Variants in MAP3K19 observed in about 807,000 individuals in gnomAD.
MAP3K19 encodes the protein mitogen-activated protein kinase kinase kinase 19.
A neutral mutation model predicts 114.4 loss-of-function variants in MAP3K19; 91 were observed. The ratio of observed to expected loss-of-function variants is 0.80; its 90% CI spans 0.67 to 0.95. The LOEUF (loss-of-function observed/expected upper bound fraction) is 0.95. MAP3K19 is among the 40% of genes least tolerant of loss of function. The pLI is 0.00. For missense variants in MAP3K19, 1,471 were observed against 1,573.2 expected, an observed-to-expected ratio of 0.94 and a Z score of 1.10; for synonymous variants, 518 against 530.5, an observed-to-expected ratio of 0.98 and a Z score of 0.32.
chr2:135,009,691 CATA>C (rs558578862), intron 5 of MAP3K19, among the ~76,000 whole-genome samples: 6 of 151,946 alleles, frequency 3.9e-5, no homozygotes, highest in Non-Finnish European at 8.8e-5. Flanking sequence ...CTACAAAATC[CATA>C]ATGATGACTA....
intron 2 of MAP3K19, among the ~76,000 whole-genome samples, chr2:135,033,623 G>A (rs1427772330): frequency 2.5e-5 from 2 of 80,576 alleles, no homozygotes; most frequent in African/African-American, 1.6e-4. Flanking sequence ...CGGGCAGAGG[G>A]GCTCCCCACC....
chr2:134,999,766 T>C lies in MAP3K19; in HGVS notation c.314+171A>G, dbSNP rs1165122539. ...TTGAATCATCACAACAGAGACCATA[T>C]GGCCCACACAGCCAAAGTGTTTATG... is the stretch of plus-strand genomic sequence containing the variant. On this transcript the variant is annotated intron_variant, in intron 7 of 12. Coordinates refer to ENST00000392915, the MANE Select transcript of MAP3K19 (RefSeq NM_025052.5). This position sits in a 1 kb window ranked among gnomAD's most constrained non-coding sequence, Gnocchi z 4.1. Among the ~76,000 whole-genome samples the C allele has an allele frequency of 6.6e-6, 1 of 152,252 alleles. No individual in the cohort carries two copies. The highest frequency in any genetic ancestry group is 2.4e-5 in the African/African-American group (1 of 41,474).
At chr2:135,046,317 G>A (rs529593867) in intron 1 of MAP3K19, among the ~76,000 whole-genome samples, 16 of 151,522 alleles carry the variant, frequency 1.1e-4, no homozygotes, top group Non-Finnish European at 2.1e-4. Context: ...TCCCTCTATC[G>A]CCCAGACTGG....
At chr2:135,045,277 C>A (rs1278679074) in intron 1 of MAP3K19, among the ~76,000 whole-genome samples, 1 of 152,174 alleles carries the variant, frequency 6.6e-6, no homozygotes, top group African/African-American at 2.4e-5. Flanking sequence ...TTATCTTAAT[C>A]ATTAGCATTT....
At chr2:135,023,318 C>T in intron 4 of MAP3K19, 1 of 417,694 alleles carries the variant, frequency 2.4e-6, no homozygotes, top group Admixed American at 2.7e-5. Flanking sequence ...TCCTGATGTC[C>T]CCACCGCTCC....
rs1297196141 is a variant in MAP3K19 at position 135,035,397 on chromosome 2, AAAAC to A, written c.-283-4901_-283-4898del. ...GGGCAACAGAGTGAGATCCTGTCTC[AAAAC>A]AAACAAACAGACAAACAAAAAACAA... On this transcript the variant is annotated intron_variant, in intron 2 of 12. Transcript: ENST00000392915. Among the ~76,000 whole-genome samples the A allele has an allele frequency of 4.6e-5, 7 of 152,334 alleles. No individual in the cohort carries two copies. The South Asian group carries it at 8.3e-4, about 18-fold the overall frequency.
At chr2:135,026,867 A>G (rs1040813138) in intron 3 of MAP3K19, among the ~76,000 whole-genome samples, 3 of 152,358 alleles carry the variant, frequency 2.0e-5, no homozygotes, top group African/African-American at 7.2e-5. Flanking sequence ...AATGAAACAA[A>G]GAGCCAGATA....
chr2:135,042,338 T>C (rs1005665779), intron 1 of MAP3K19, among the ~76,000 whole-genome samples: 1 of 151,710 alleles, frequency 6.6e-6, no homozygotes, highest in African/African-American at 2.4e-5. Flanking sequence ...CCGTCGCTAC[T>C]AAAAGTACAA....
At chr2:134,991,847 A>G (rs1472674092) in intron 8 of MAP3K19, among the ~76,000 whole-genome samples, 3 of 152,184 alleles carry the variant, frequency 2.0e-5, no homozygotes, top group African/African-American at 4.8e-5. Flanking sequence ...CAGACCATTT[A>G]TCACTCACAG....
chr2:134,971,589 T>C (rs1683885238), intron 12 of MAP3K19, among the ~76,000 whole-genome samples: 1 of 152,186 alleles, frequency 6.6e-6, no homozygotes, highest in Non-Finnish European at 1.5e-5. Context: ...TTATTACTGA[T>C]TCAATCTTAT....
chr2:135,021,144 A>G (rs1687945169), intron 5 of MAP3K19, among the ~76,000 whole-genome samples: 1 of 151,938 alleles, frequency 6.6e-6, no homozygotes, highest in Admixed American at 6.6e-5. Flanking sequence ...GTGTCCCACC[A>G]AAATTTATAT....
intron 10 of MAP3K19, among the ~76,000 whole-genome samples, chr2:134,984,734 C>T (rs1573943123): frequency 1.3e-5 from 2 of 152,124 alleles, no homozygotes; most frequent in African/African-American, 4.8e-5. Context: ...AGGTGGATCG[C>T]GAGGTCAGGA....
At chr2:135,025,630 C>T (rs1032504154) in intron 3 of MAP3K19, among the ~76,000 whole-genome samples, 1 of 152,010 alleles carries the variant, frequency 6.6e-6, no homozygotes, top group Non-Finnish European at 1.5e-5. Flanking sequence ...TCGTGATCTG[C>T]CTGCCTCGGC....
chr2:135,011,908 T>G (rs1687262896), intron 5 of MAP3K19, among the ~76,000 whole-genome samples: 1 of 152,170 alleles, frequency 6.6e-6, no homozygotes, highest in East Asian at 1.9e-4. Flanking sequence ...TACAAAAATG[T>G]TTTTAAACAT....
At chr2:135,003,146 G>A (rs1441603087) in intron 6 of MAP3K19, among the ~76,000 whole-genome samples, 2 of 152,176 alleles carry the variant, frequency 1.3e-5, no homozygotes, top group Non-Finnish European at 2.9e-5. Flanking sequence ...ACCAGGAAGA[G>A]AGCCCTCACC....
intron 1 of MAP3K19, among the ~76,000 whole-genome samples, chr2:135,044,582 C>T (rs1219003013): frequency 1.3e-5 from 2 of 152,190 alleles, no homozygotes; most frequent in African/African-American, 4.8e-5. Flanking sequence ...AAGAGTGAAA[C>T]TCCATCTCAA....
chr2:134,991,988 A>G (rs1685614471), intron 8 of MAP3K19, among the ~76,000 whole-genome samples: 1 of 152,166 alleles, frequency 6.6e-6, no homozygotes, highest in South Asian at 2.1e-4. Context: ...CTCAGGTGGT[A>G]TATTGGGTGG....
At chr2:135,035,067 CTA>C (rs905219296) in intron 2 of MAP3K19, among the ~76,000 whole-genome samples, 2 of 152,120 alleles carry the variant, frequency 1.3e-5, no homozygotes, top group African/African-American at 4.8e-5. Context: ...AGACCACATA[CTA>C]TATGATTCCA....
chr2:135,021,168 C>CT (rs1687946658), intron 5 of MAP3K19, among the ~76,000 whole-genome samples: 1 of 151,860 alleles, frequency 6.6e-6, no homozygotes, highest in African/African-American at 2.4e-5. Flanking sequence ...GAAATCTTAA[C>CT]TACCAATGTG....
Sources: allele counts gnomAD v4.1 joint callset (sites outside exome capture counted in the v4.1 genomes callset), GRCh38; gene constraint gnomAD v4.1.1; non-coding constraint Gnocchi (gnomAD v3.1); transcripts MANE v1.5; gene names NCBI Gene and HGNC (gene_info 2026-07-23, HGNC 2026-07-21).